Variants in PDE4D observed in about 807,000 individuals in gnomAD.
PDE4D encodes the protein 3',5'-cyclic-AMP phosphodiesterase 4D.
PDE4D carries 24 observed loss-of-function variants against 87.4 expected under a neutral mutation model. The ratio of observed to expected loss-of-function variants is 0.27; its 90% CI spans 0.20 to 0.39. The LOEUF (loss-of-function observed/expected upper bound fraction) is 0.39, where lower values mean the gene tolerates loss of function less well. PDE4D is among the 10% of genes least tolerant of loss of function. The pLI is 1.00. For missense variants in PDE4D, 714 were observed against 1,041.0 expected (o/e 0.69, Z 4.32); for synonymous variants, 384 against 383.2 (o/e 1.00, Z -0.02).
At chr5:60,432,916 T>C (rs60271252) in intron 1 of PDE4D, among the ~76,000 whole-genome samples, 21,299 of 152,162 alleles carry the variant, frequency 0.14, 1,572 homozygotes, top group African/African-American at 0.17. Flanking sequence ...TTAGATCATA[T>C]ACAAAAATCA....
At chr5:59,565,669 G>T (rs1428910296) in intron 1 of PDE4D, among the ~76,000 whole-genome samples, 1 of 152,234 alleles carries the variant, frequency 6.6e-6, no homozygotes, top group Non-Finnish European at 1.5e-5. Flanking sequence ...AGCACCTGAT[G>T]CTCCTTGGCT....
chr5:59,556,264 G>A (rs933294989), intron 1 of PDE4D, among the ~76,000 whole-genome samples: 3 of 152,046 alleles, frequency 2.0e-5, no homozygotes, highest in African/African-American at 4.8e-5. Flanking sequence ...CCTAACTTCT[G>A]TATAATATTC....
intron 1 of PDE4D, among the ~76,000 whole-genome samples, chr5:60,439,307 A>G (rs945906290): frequency 2.8e-4 from 43 of 152,206 alleles, no homozygotes; most frequent in African/African-American, 1.0e-3. Flanking sequence ...GATAATGAAT[A>G]TAAACTTCAT....
intron 5 of PDE4D, among the ~76,000 whole-genome samples, chr5:59,172,358 T>C (rs560895543): frequency 1.5e-5 from 2 of 135,044 alleles, no homozygotes; most frequent in East Asian, 2.0e-4. Flanking sequence ...ATATATTTTG[T>C]ATATATTATA....
At chr5:59,280,503 G>A (rs1258270729) in intron 1 of PDE4D, among the ~76,000 whole-genome samples, 1 of 152,046 alleles carries the variant, frequency 6.6e-6, no homozygotes, top group Non-Finnish European at 1.5e-5. Flanking sequence ...AAGTGCTGCT[G>A]TATTTCCTTT....
At chr5:59,990,026 C>T (rs1949017) in intron 2 of PDE4D, among the ~76,000 whole-genome samples, 95,288 of 151,970 alleles carry the variant, frequency 0.63, 32,607 homozygotes, top group East Asian at 0.92. Flanking sequence ...TCATATATGG[C>T]AATTTCCTTC....
At chr5:59,478,699 T>C (rs1396993957) in intron 1 of PDE4D, among the ~76,000 whole-genome samples, 2 of 152,056 alleles carry the variant, frequency 1.3e-5, no homozygotes, top group Non-Finnish European at 2.9e-5. Context: ...TCAATTAAAA[T>C]CTATGACAAA....
chr5:60,477,156 A>G (rs545199393), intron 1 of PDE4D, among the ~76,000 whole-genome samples: 133 of 152,334 alleles, frequency 8.7e-4, no homozygotes, highest in South Asian at 3.7e-3. Context: ...CAGCAAGAAC[A>G]TATGAAAGCA....
At chr5:60,010,128 T>A (rs936466509) in intron 2 of PDE4D, among the ~76,000 whole-genome samples, 1 of 152,078 alleles carries the variant, frequency 6.6e-6, no homozygotes, top group African/African-American at 2.4e-5. Context: ...GTGGGGAGAA[T>A]TCACTTTCCT....
intron 2 of PDE4D, among the ~76,000 whole-genome samples, chr5:60,083,956 A>T (rs1774256223): frequency 6.6e-6 from 1 of 152,162 alleles, no homozygotes; most frequent in Non-Finnish European, 1.5e-5. Context: ...GCTTATTAGA[A>T]ATTCCCTCTA....
intron 2 of PDE4D, among the ~76,000 whole-genome samples, chr5:60,129,217 G>C (rs1779369943): frequency 6.6e-6 from 1 of 152,224 alleles, no homozygotes; most frequent in Non-Finnish European, 1.5e-5. Context: ...TCATATGACA[G>C]CTTGGCAGAG....
chr5:59,467,695 G>C (rs993287820), intron 1 of PDE4D, among the ~76,000 whole-genome samples: 1 of 152,118 alleles, frequency 6.6e-6, no homozygotes, highest in East Asian at 1.9e-4. Context: ...TGCCATTGAA[G>C]CATACGTACA....
intron 5 of PDE4D, among the ~76,000 whole-genome samples, chr5:59,068,322 CT>C (rs1378511265): frequency 6.6e-6 from 1 of 152,012 alleles, no homozygotes; most frequent in Non-Finnish European, 1.5e-5. Context: ...GACACTAAAA[CT>C]TTTTTTTAAG....
chr5:58,996,034 A>G (rs1415548225), intron 6 of PDE4D, among the ~76,000 whole-genome samples: 4 of 152,208 alleles, frequency 2.6e-5, no homozygotes, highest in African/African-American at 9.6e-5. Flanking sequence ...AAACTAACAC[A>G]GCAACAGAAA....
intron 12 of PDE4D, among the ~76,000 whole-genome samples, chr5:58,976,727 T>C (rs573805546): frequency 1.3e-5 from 2 of 152,226 alleles, no homozygotes; most frequent in South Asian, 2.1e-4. Context: ...ATGGGTGACA[T>C]CTCCATGGAT....
chr5:59,182,445 T>TA (rs1333121087), intron 4 of PDE4D, among the ~76,000 whole-genome samples: 1 of 151,816 alleles, frequency 6.6e-6, no homozygotes, highest in Non-Finnish European at 1.5e-5. Context: ...TTTTTTTTTT[T>TA]AGAGATGGGG....
chr5:60,148,757 A>T (rs1039011611), intron 2 of PDE4D, among the ~76,000 whole-genome samples: 1 of 152,254 alleles, frequency 6.6e-6, no homozygotes, highest in Non-Finnish European at 1.5e-5. Context: ...ATAATGAAAG[A>T]TAGACTTATT....
Position 58,975,552 on chromosome 5 carries a change from G to C in PDE4D, c.2013+105C>G. On this transcript the variant is annotated intron_variant, in intron 14 of 14. Coordinates refer to ENST00000340635, the MANE Select transcript of PDE4D (RefSeq NM_001104631.2). The surrounding 1 kb of genome is among the most constrained non-coding windows in gnomAD (Gnocchi z 4.2). The stretch of plus-strand genomic sequence containing the variant: ...TGAAATTGAGCTTGTCAAAAACAAA[G>C]TAATTTTAAAAATCCAGTAAAATAC... 1 of 920,440 alleles carries C rather than the reference G, an allele frequency of 1.1e-6. No individual in the cohort carries two copies. Among genetic ancestry groups the C allele is most frequent in the Non-Finnish European group, 1.5e-6 (1 of 667,052 alleles). 57.0% of individuals were successfully genotyped at this position (920,440 alleles called of 1,614,324 possible).
chr5:60,112,965 G>A (rs1777827839), intron 2 of PDE4D, among the ~76,000 whole-genome samples: 1 of 152,056 alleles, frequency 6.6e-6, no homozygotes, highest in Non-Finnish European at 1.5e-5. Flanking sequence ...GCTTTCAAGG[G>A]TGAGGGTTGG....
Sources: allele counts gnomAD v4.1 joint callset (sites outside exome capture counted in the v4.1 genomes callset), GRCh38; gene constraint gnomAD v4.1.1; non-coding constraint Gnocchi (gnomAD v3.1); transcripts MANE v1.5; gene names NCBI Gene and HGNC (gene_info 2026-07-23, HGNC 2026-07-21).